CPED1: variants seen among roughly 807,000 people sequenced by gnomAD.
CPED1 encodes the protein cadherin like and PC-esterase domain containing 1.
A neutral mutation model predicts 128.2 loss-of-function variants in CPED1; 114 were observed. That is an observed-to-expected ratio of 0.89 (90% CI 0.76 to 1.04). CPED1 has a LOEUF of 1.04. Among genes scored for constraint, CPED1 ranks in the 50% least tolerant of loss-of-function variants. CPED1 has a pLI of 0.00. For synonymous variants in CPED1, 462 were observed against 426.7 expected, an observed-to-expected ratio of 1.08 and a Z score of -1.02; for missense variants, 1,211 against 1,207.1, an observed-to-expected ratio of 1.00 and a Z score of -0.05.
At chr7:121,190,969 A>C (rs1181788270) in intron 16 of CPED1, among the ~76,000 whole-genome samples, 1 of 152,136 alleles carries the variant, frequency 6.6e-6, no homozygotes, top group Non-Finnish European at 1.5e-5. Context: ...CCCATCCCAG[A>C]GTCAGTGCTG....
chr7:121,212,589 C>T (rs937651428), intron 16 of CPED1, among the ~76,000 whole-genome samples: 1 of 152,002 alleles, frequency 6.6e-6, no homozygotes, highest in East Asian at 1.9e-4. Flanking sequence ...CTCTCTACAG[C>T]AATCATGTGT....
At chr7:121,217,217 A>T (rs1017177227) in intron 16 of CPED1, among the ~76,000 whole-genome samples, 13 of 151,940 alleles carry the variant, frequency 8.6e-5, no homozygotes, top group African/African-American at 3.1e-4. Flanking sequence ...ATGAGCCACT[A>T]TGCCTGGCCA....
chr7:121,014,310 C>T (rs370545469), intron 2 of CPED1, among the ~76,000 whole-genome samples: 169 of 152,064 alleles, frequency 1.1e-3, no homozygotes, highest in African/African-American at 3.7e-3. Flanking sequence ...CCCAGCACTT[C>T]GGGAGGCCGA....
At chr7:121,285,323 G>C (rs1029567302) in intron 22 of CPED1, among the ~76,000 whole-genome samples, 3 of 152,148 alleles carry the variant, frequency 2.0e-5, no homozygotes, top group East Asian at 3.9e-4. Flanking sequence ...GATGGGAGGG[G>C]CTGCCATGAA....
At chr7:121,010,978 G>T (rs956720304) in intron 2 of CPED1, among the ~76,000 whole-genome samples, 1 of 151,960 alleles carries the variant, frequency 6.6e-6, no homozygotes, top group Non-Finnish European at 1.5e-5. Context: ...TCACCAGTGG[G>T]GAAAAGAATC....
intron 16 of CPED1, among the ~76,000 whole-genome samples, chr7:121,189,590 G>A (rs775092541): frequency 6.6e-6 from 1 of 151,790 alleles, no homozygotes; most frequent in Non-Finnish European, 1.5e-5. Flanking sequence ...TGGGGGGACA[G>A]AGCCAAACCG....
At chr7:121,261,575 C>T in intron 18 of CPED1, 1 of 1,575,286 alleles carries the variant, frequency 6.3e-7, no homozygotes, top group Non-Finnish European at 8.6e-7. Context: ...AATGATGTGA[C>T]CAGCTTCCAG....
chr7:121,084,018 T>G (rs193188731), intron 5 of CPED1, among the ~76,000 whole-genome samples: 1 of 152,354 alleles, frequency 6.6e-6, no homozygotes, highest in East Asian at 1.9e-4. Context: ...GCTACGACTT[T>G]AATCTAGTTT....
chr7:121,178,977 T>G (rs1796842200), intron 16 of CPED1, among the ~76,000 whole-genome samples: 1 of 151,968 alleles, frequency 6.6e-6, no homozygotes, highest in Non-Finnish European at 1.5e-5. Flanking sequence ...ACAATCTATA[T>G]TTAGAAGGTA....
chr7:121,287,807 C>T (rs562857040), intron 22 of CPED1, among the ~76,000 whole-genome samples: 12 of 152,062 alleles, frequency 7.9e-5, no homozygotes, highest in Non-Finnish European at 1.5e-4. Context: ...TTTAATGACT[C>T]ATTAAACTTT....
intron 5 of CPED1, among the ~76,000 whole-genome samples, chr7:121,079,580 C>T (rs1009355840): frequency 6.6e-6 from 1 of 152,210 alleles, no homozygotes; most frequent in Non-Finnish European, 1.5e-5. Flanking sequence ...AAAGGTGTCT[C>T]TTGCTCCTGT....
intron 2 of CPED1, among the ~76,000 whole-genome samples, chr7:120,994,777 A>C (rs1030260001): frequency 5.3e-5 from 8 of 152,230 alleles, no homozygotes; most frequent in African/African-American, 1.9e-4. Context: ...TTCCAAAGGC[A>C]ACAGAGAATC....
chr7:121,208,465 T>G (rs570605006), intron 16 of CPED1, among the ~76,000 whole-genome samples: 8 of 152,038 alleles, frequency 5.3e-5, no homozygotes, highest in Non-Finnish European at 1.0e-4. Flanking sequence ...CATGCATGGT[T>G]CTAGGTTCTT....
At chr7:121,291,223 G>C (rs748595072) in intron 22 of CPED1, among the ~76,000 whole-genome samples, 2 of 152,042 alleles carry the variant, frequency 1.3e-5, no homozygotes, top group Non-Finnish European at 2.9e-5. Context: ...GTATGGTTTG[G>C]AGTCAGGTAG....
At chr7:121,036,017 A>G (rs895556098) in intron 3 of CPED1, among the ~76,000 whole-genome samples, 9 of 152,126 alleles carry the variant, frequency 5.9e-5, no homozygotes, top group African/African-American at 2.2e-4. Flanking sequence ...GACAGAAGCA[A>G]TAGTTAAAAC....
intron 8 of CPED1, 100 bp from the exon 9 acceptor site, chr7:121,125,720 A>G: frequency 1.3e-6 from 1 of 783,330 alleles, no homozygotes; most frequent in East Asian, 2.6e-5. Flanking sequence ...ATTAATGGGC[A>G]TTTGGGTTGG....
intron 2 of CPED1, among the ~76,000 whole-genome samples, chr7:121,010,569 A>G (rs901424392): frequency 6.6e-6 from 1 of 152,276 alleles, no homozygotes; most frequent in Non-Finnish European, 1.5e-5. Flanking sequence ...TTTGATAAGC[A>G]AACTTTATTA....
chr7:121,117,017 TAC>T (rs1336830999), intron 7 of CPED1, among the ~76,000 whole-genome samples: 2 of 146,934 alleles, frequency 1.4e-5, no homozygotes, highest in Admixed American at 1.4e-4. Flanking sequence ...CACATATATA[TAC>T]ACACATTATA....
intron 16 of CPED1, among the ~76,000 whole-genome samples, chr7:121,176,232 CTT>C (rs537638463): frequency 4.3e-4 from 56 of 129,098 alleles, no homozygotes; most frequent in African/African-American, 1.2e-3. Flanking sequence ...CTGGAAATAA[CTT>C]GAATTGCATA....
Sources: gnomAD v4.1 joint callset for allele counts (sites outside exome capture counted in the v4.1 genomes callset) on GRCh38, gnomAD v4.1.1 for gene constraint, MANE v1.5 for transcripts, NCBI Gene and HGNC (gene_info 2026-07-23, HGNC 2026-07-21) for gene names.